XKR3: variants seen among roughly 807,000 people sequenced by gnomAD.
XKR3 encodes XK-related protein 3.
In XKR3, 27 loss-of-function variants were observed where a neutral mutation model predicts 40.3. The ratio of observed to expected loss-of-function variants is 0.67; its 90% CI spans 0.49 to 0.92. The LOEUF (loss-of-function observed/expected upper bound fraction) is 0.92. Among genes scored for constraint, XKR3 ranks in the 40% least tolerant of loss-of-function variants. The pLI is 0.00. For synonymous variants in XKR3, 193 were observed against 195.4 expected (o/e 0.99, Z 0.10); for missense variants, 472 against 537.6 (o/e 0.88, Z 1.21).
chr22:16,799,830 G>GT lies in XKR3; in HGVS notation c.529_530insA (p.Pro177HisfsTer20). The GT allele has an allele frequency of 6.2e-7, 1 of 1,614,024 alleles. No homozygotes were observed. Among genetic ancestry groups the GT allele is most frequent in the Non-Finnish European group, 8.5e-7 (1 of 1,179,988 alleles). ...GATATACATCTGCAAAATTAATTGT[G>GT]GAACAGAACCGAGAAAAGCCTGAAT... is the stretch of plus-strand genomic sequence containing the variant. On this transcript the variant is annotated frameshift_variant, in exon 3 of 4. Coordinates refer to ENST00000684488, the MANE Select transcript of XKR3 (RefSeq NM_001386955.1). LOFTEE classifies it high-confidence loss of function.
chr22:16,820,185 G>A (rs1027009528), intron 1 of XKR3, among the ~76,000 whole-genome samples: 4 of 152,024 alleles, frequency 2.6e-5, no homozygotes, highest in Non-Finnish European at 4.4e-5. Flanking sequence ...TAAAACTTAC[G>A]CAAAAAAACT....
At chr22:16,797,564 G>T (rs2385713) in intron 3 of XKR3, among the ~76,000 whole-genome samples, 1 of 151,648 alleles carries the variant, frequency 6.6e-6, no homozygotes, top group South Asian at 2.1e-4. Context: ...AGGCTGAGGC[G>T]GGCAGATCAC....
chr22:16,799,393 G>A (rs548008204), intron 3 of XKR3, among the ~76,000 whole-genome samples: 82 of 50,556 alleles, frequency 1.6e-3, no homozygotes, highest in African/African-American at 6.0e-3. Flanking sequence ...CAGCCTGGGC[G>A]ACAAAGTGAG....
intron 3 of XKR3, among the ~76,000 whole-genome samples, chr22:16,793,445 G>A (rs1446250874): frequency 1.3e-5 from 2 of 152,170 alleles, no homozygotes; most frequent in South Asian, 2.1e-4. Flanking sequence ...TCCAGTACAC[G>A]GGTTAAGAGA....
chr22:16,797,262 A>G (rs1166566440), intron 3 of XKR3, among the ~76,000 whole-genome samples: 1 of 152,212 alleles, frequency 6.6e-6, no homozygotes. Flanking sequence ...TGATAGTGGC[A>G]AAAAATTTTT....
intron 3 of XKR3, among the ~76,000 whole-genome samples, chr22:16,798,204 A>C (rs984317844): frequency 6.6e-6 from 1 of 151,402 alleles, no homozygotes; most frequent in Non-Finnish European, 1.5e-5. Context: ...CAACAACAAC[A>C]AAAACCCCCA....
At chr22:16,823,045 A>C (rs114503676) in intron 1 of XKR3, among the ~76,000 whole-genome samples, 1 of 151,994 alleles carries the variant, frequency 6.6e-6, no homozygotes, top group African/African-American at 2.4e-5. Context: ...CACCATGTAC[A>C]CTAATTTTTG....
intron 2 of XKR3, among the ~76,000 whole-genome samples, chr22:16,801,336 G>A (rs2060168014): frequency 6.6e-6 from 1 of 152,132 alleles, no homozygotes; most frequent in Non-Finnish European, 1.5e-5. Flanking sequence ...TTGAGCTCAG[G>A]AGTTGGAGAC....
Position 16,798,595 on chromosome 22 carries a change from G to C in XKR3, c.589+1176C>G, listed in dbSNP as rs150172169. On this transcript the variant is annotated intron_variant, in intron 3 of 3. Coordinates refer to ENST00000684488, the MANE Select transcript of XKR3 (RefSeq NM_001386955.1). ...CTCAGGTGCCCATCAATGGTACACT[G>C]GATAAGGAAAATAACTGATTAATTT... Among the ~76,000 whole-genome samples, 450 of 152,264 alleles carry C rather than the reference G, an allele frequency of 3.0e-3. 1 individual carries two copies. Among genetic ancestry groups the C allele is most frequent in the African/African-American group, 9.8e-3 (407 of 41,554 alleles).
chr22:16,807,143 T>C (rs768140038), intron 2 of XKR3, among the ~76,000 whole-genome samples: 4 of 152,192 alleles, frequency 2.6e-5, no homozygotes, highest in Non-Finnish European at 5.9e-5. Flanking sequence ...TTCACATATA[T>C]AGTAACTAAG....
At chr22:16,793,787 A>G (rs1453362013) in intron 3 of XKR3, among the ~76,000 whole-genome samples, 1 of 152,218 alleles carries the variant, frequency 6.6e-6, no homozygotes, top group African/African-American at 2.4e-5. Flanking sequence ...CAACCCAAGG[A>G]AGCCAAGCAA....
At chr22:16,794,521 G>A (rs1285214094) in intron 3 of XKR3, among the ~76,000 whole-genome samples, 2 of 152,050 alleles carry the variant, frequency 1.3e-5, no homozygotes, top group Non-Finnish European at 2.9e-5. Flanking sequence ...AATGCTAAGG[G>A]CATACACTTT....
At chr22:16,805,955 G>A (rs1009308174) in intron 2 of XKR3, among the ~76,000 whole-genome samples, 5 of 152,174 alleles carry the variant, frequency 3.3e-5, no homozygotes, top group African/African-American at 1.2e-4. Context: ...TTGCTAGAGG[G>A]AGCTAAGGGT....
intron 2 of XKR3, among the ~76,000 whole-genome samples, chr22:16,806,030 C>A (rs2060187854): frequency 6.6e-6 from 1 of 152,132 alleles, no homozygotes; most frequent in Non-Finnish European, 1.5e-5. Flanking sequence ...GACAGTCTGG[C>A]AATTCCTCAC....
At chr22:16,786,905 G>A (rs1315517514) in intron 3 of XKR3, among the ~76,000 whole-genome samples, 2 of 152,094 alleles carry the variant, frequency 1.3e-5, no homozygotes, top group Admixed American at 1.3e-4. Context: ...ACAAAATAAG[G>A]TGCCAGTTGT....
At chr22:16,820,993 AATT>A (rs1443974485) in intron 1 of XKR3, among the ~76,000 whole-genome samples, 1 of 152,116 alleles carries the variant, frequency 6.6e-6, no homozygotes, top group East Asian at 1.9e-4. Context: ...TCCATAAAAC[AATT>A]ATGACTAAGA....
intron 1 of XKR3, among the ~76,000 whole-genome samples, chr22:16,818,493 C>T (rs907441508): frequency 2.0e-5 from 3 of 152,146 alleles, no homozygotes; most frequent in Non-Finnish European, 4.4e-5. Flanking sequence ...AAATCCTGTT[C>T]TCTCGCAGCC....
chr22:16,800,200 T>C (rs1349627345), intron 2 of XKR3, among the ~76,000 whole-genome samples, 176 bp from the exon 3 acceptor site: 13 of 145,394 alleles, frequency 8.9e-5, no homozygotes, highest in Admixed American at 8.9e-4. Context: ...AATATTATTA[T>C]TTATGGTAGT....
At chr22:16,822,057 A>G (rs1005873997) in intron 1 of XKR3, among the ~76,000 whole-genome samples, 1 of 152,160 alleles carries the variant, frequency 6.6e-6, no homozygotes, top group Non-Finnish European at 1.5e-5. Flanking sequence ...ACAAAGATAT[A>G]ATAGATCTTA....
Sources: allele counts gnomAD v4.1 joint callset (sites outside exome capture counted in the v4.1 genomes callset), GRCh38; gene constraint gnomAD v4.1.1; transcripts MANE v1.5; gene names NCBI Gene and HGNC (gene_info 2026-07-23, HGNC 2026-07-21).